SLC7A6: variants seen among roughly 807,000 people sequenced by gnomAD.
SLC7A6 encodes the protein Y+L amino acid transporter 2.
SLC7A6 carries 29 observed loss-of-function variants against 46.6 expected under a neutral mutation model. The observed-to-expected ratio is 0.62, with a 90% CI of 0.46 to 0.85. SLC7A6 has a LOEUF of 0.85. Among genes scored for constraint, SLC7A6 ranks in the 40% least tolerant of loss-of-function variants. The pLI is 0.00. For missense variants in SLC7A6, 527 were observed against 647.6 expected (o/e 0.81, Z 2.02); for synonymous variants, 276 against 257.3 (o/e 1.07, Z -0.70).
At position 68,287,891 on chromosome 16, in the gene SLC7A6, G is replaced by A; in HGVS notation, c.649+20G>A. The stretch of plus-strand genomic sequence containing the variant: ...GCCAGGGTAAGTGGTGGGAAGGGGG[G>A]TACCACCAACAGTTCCTCTGGATTC... On this transcript the variant is annotated intron_variant, in intron 4 of 10. Coordinates refer to ENST00000219343, the MANE Select transcript of SLC7A6 (RefSeq NM_003983.6). 2.5e-6 allele frequency: 4 copies of A among 1,610,714 alleles called. No individual in the cohort carries two copies. The highest frequency in any genetic ancestry group is 2.2e-5 in the East Asian group (1 of 44,812).
At chr16:68,278,081 C>T (rs538383551) in intron 3 of SLC7A6, among the ~76,000 whole-genome samples, 15 of 152,144 alleles carry the variant, frequency 9.9e-5, no homozygotes, top group South Asian at 2.1e-4. Context: ...CTCAGCCTCC[C>T]GAGTAGCTGG....
chr16:68,284,971 G>C (rs961608351), intron 3 of SLC7A6, among the ~76,000 whole-genome samples: 1 of 147,488 alleles, frequency 6.8e-6, no homozygotes, highest in Non-Finnish European at 1.5e-5. Flanking sequence ...TCCTGGGTTC[G>C]GCAGTTCTCC....
In SLC7A6 at chr16:68,275,172, A is replaced by C. The variant is rs372829574; in HGVS notation, c.446A>C (p.Asn149Thr). Residue 149 changes from asparagine (N) to threonine (T), a missense_variant, in exon 3 of 11, where the codon AAC becomes ACC. Asn to Thr is a moderately conservative substitution (Grantham distance 65). Coordinates refer to ENST00000219343, the MANE Select transcript of SLC7A6 (RefSeq NM_003983.6). Reference sequence around the variant, plus strand: ...GCCATCATCGCCATCACCTTTGCCAACTACATCATCCAGCCGTCCTTCCCC... The same window carrying C: ...GCCATCATCGCCATCACCTTTGCCACCTACATCATCCAGCCGTCCTTCCCC... ...GQAIIAITFANYIIQPSFPSC... is the reference protein window; with the variant it reads ...GQAIIAITFATYIIQPSFPSC... 2 of 1,613,510 alleles carry C rather than the reference A, an allele frequency of 1.2e-6. No individual in the cohort carries two copies. The highest frequency in any genetic ancestry group is 1.7e-6 in the Non-Finnish European group (2 of 1,179,984).
In SLC7A6 at chr16:68,299,724, G is replaced by C. The variant is rs747342601; in HGVS notation, c.*2396G>C. 3 of 152,086 alleles carry C rather than the reference G, an allele frequency of 2.0e-5. No homozygotes were observed. Among genetic ancestry groups the C allele is most frequent in the Non-Finnish European group, 4.4e-5 (3 of 68,014 alleles). 9.4% of individuals were successfully genotyped at this position (152,086 alleles called of 1,614,324 possible). ...GTATGAGAATGGCTTTCAATCCTTT[G>C]TTTCTATGCCTACAGACAGAAAGCA... On this transcript the variant is annotated 3_prime_UTR_variant, in exon 11 of 11. Transcript: ENST00000219343.
chr16:68,290,851 C>G (rs1342229265), intron 5 of SLC7A6: 1 of 479,838 alleles, frequency 2.1e-6, no homozygotes, highest in East Asian at 4.1e-5. Context: ...GACACTACAG[C>G]CCGCAGAACC....
rs2042716758 is a variant in SLC7A6, at chr16:68,276,612, GGCT to G, written c.523+1367_523+1369del. Among the ~76,000 whole-genome samples the G allele has an allele frequency of 2.0e-5, 3 of 152,162 alleles. No individual in the cohort carries two copies. The South Asian group carries it at 6.2e-4, about 32-fold the overall frequency. On this transcript the variant is annotated intron_variant, in intron 3 of 10. Transcript: ENST00000219343. ...GGATACCCTTAGGATTAGGGAAGGC[GGCT>G]GCTCAGCTGTATGTCTGATAGGCTT... is the stretch of plus-strand genomic sequence containing the variant.
intron 3 of SLC7A6, among the ~76,000 whole-genome samples, chr16:68,278,819 T>C (rs968904117): frequency 3.3e-5 from 5 of 152,210 alleles, no homozygotes; most frequent in African/African-American, 1.2e-4. Flanking sequence ...CTCAATGAGC[T>C]GTTGGGTACA....
At chr16:68,274,369 G>A (rs1208839087) in intron 2 of SLC7A6, among the ~76,000 whole-genome samples, 1 of 152,202 alleles carries the variant, frequency 6.6e-6, no homozygotes, top group Non-Finnish European at 1.5e-5. Flanking sequence ...GGTGAGAACA[G>A]AGCAGAAATC....
rs1447905533 is a variant in SLC7A6, at chr16:68,287,842, T to C, written c.620T>C (p.Ile207Thr). 4 of 1,614,088 alleles carry C rather than the reference T, an allele frequency of 2.5e-6. No homozygotes were observed. Among genetic ancestry groups the C allele is most frequent in the Non-Finnish European group, 3.4e-6 (4 of 1,180,030 alleles). The change falls in exon 4 of 11, where the codon ATT becomes ACT. Residue 207 changes from isoleucine (I) to threonine (T), a missense_variant. Coordinates refer to ENST00000219343, the MANE Select transcript of SLC7A6 (RefSeq NM_003983.6). ...YAKVVALIAI[I>T]VMGLVKLCQG... ...AAGGTCGTAGCGCTCATTGCCATCATTGTCATGGGCCTTGTTAAACTGTGC... is the reference window on the plus strand; with the variant it reads ...AAGGTCGTAGCGCTCATTGCCATCACTGTCATGGGCCTTGTTAAACTGTGC...
intron 3 of SLC7A6, among the ~76,000 whole-genome samples, chr16:68,277,244 G>A (rs553128011): frequency 2.0e-5 from 3 of 150,044 alleles, no homozygotes; most frequent in Non-Finnish European, 4.4e-5. Flanking sequence ...CCACCACCAC[G>A]CCCAGCTAAT....
At chr16:68,291,414 C>T (rs1033958216) in intron 6 of SLC7A6, 82 bp downstream of exon 6, 193 of 1,589,320 alleles carry the variant, frequency 1.2e-4, no homozygotes, top group African/African-American at 9.9e-4. Context: ...TTACTGCACC[C>T]TCCTCAGCTC....
At chr16:68,296,543 T>C (rs2043170861) in intron 9 of SLC7A6, 30 bp downstream of exon 9, 1 of 1,613,606 alleles carries the variant, frequency 6.2e-7, no homozygotes, top group Non-Finnish European at 8.5e-7. Flanking sequence ...CTAGGAGGGG[T>C]GGGCCATCTC....
Position 68,288,020 on chromosome 16 carries a change from T to C in SLC7A6, c.649+149T>C, listed in dbSNP as rs150599161. On this transcript the variant is annotated intron_variant, in intron 4 of 10. Transcript: ENST00000219343. ...CAAGAGATGGGAGTAGATTTCTTTC[T>C]GGGCTTTTTGGGCCAGGCTGGCTTG... The C allele has an allele frequency of 7.9e-3, 9,756 of 1,236,102 alleles. 50 individuals are homozygous for C. Among genetic ancestry groups the C allele is most frequent in the Non-Finnish European group, 9.9e-3 (9,014 of 914,782 alleles). 76.6% of individuals were successfully genotyped at this position (1,236,102 alleles called of 1,614,324 possible).
At chr16:68,277,947 T>TA (rs1350986909) in intron 3 of SLC7A6, among the ~76,000 whole-genome samples, 28 of 145,766 alleles carry the variant, frequency 1.9e-4, no homozygotes, top group African/African-American at 6.9e-4. Context: ...TTATTATTAT[T>TA]TTTCTTTTTT....
At position 68,301,419 on chromosome 16, in the gene SLC7A6, CCGGG is replaced by C. The variant is rs769170161; in HGVS notation, c.*4092_*4095del. ...AGTCAGCAGAGCCTAGAATGACATC[CCGGG>C]AGTGGATTCTAAATGTGATTTTCCT... is the stretch of plus-strand genomic sequence containing the variant. On this transcript the variant is annotated 3_prime_UTR_variant, in exon 11 of 11. Coordinates refer to ENST00000219343, the MANE Select transcript of SLC7A6 (RefSeq NM_003983.6). The C allele has an allele frequency of 6.8e-6, 11 of 1,609,740 alleles. No individual in the cohort carries two copies. In the South Asian group the frequency reaches 1.2e-4, roughly 18 times the overall value.
intron 4 of SLC7A6, chr16:68,290,069 A>G (rs1311401789): frequency 8.3e-6 from 2 of 239,964 alleles, no homozygotes; most frequent in Non-Finnish European, 1.6e-5. Flanking sequence ...AAGTATTGTC[A>G]CATCAGAGGG....
chr16:68,296,880 C>G, intron 10 of SLC7A6, 70 bp downstream of exon 10: 4 of 1,518,736 alleles, frequency 2.6e-6, no homozygotes, highest in Admixed American at 1.9e-5. Context: ...TGGGGGGTGG[C>G]TAACAGCTTC....
intron 3 of SLC7A6, among the ~76,000 whole-genome samples, chr16:68,284,956 C>T (rs1179217747): frequency 2.8e-5 from 4 of 144,022 alleles, no homozygotes; most frequent in South Asian, 2.3e-4. Flanking sequence ...ACTATAGGCC[C>T]GGACTCCTGG....
At chr16:68,290,638 T>G in intron 5 of SLC7A6, 98 bp downstream of exon 5, 3 of 1,392,386 alleles carry the variant, frequency 2.2e-6, no homozygotes, top group Non-Finnish European at 3.0e-6. Context: ...CCTCCGACTC[T>G]CCTCCCCTCT....
Sources: allele counts gnomAD v4.1 joint callset (sites outside exome capture counted in the v4.1 genomes callset), GRCh38; gene constraint gnomAD v4.1.1; transcripts MANE v1.5; gene names NCBI Gene and HGNC (gene_info 2026-07-23, HGNC 2026-07-21).